CDHR2: variants seen among roughly 807,000 people sequenced by gnomAD.
CDHR2 encodes the protein cadherin-related family member 2.
A neutral mutation model predicts 138.6 loss-of-function variants in CDHR2; 104 were observed. The observed-to-expected ratio is 0.75, with a 90% CI of 0.64 to 0.88. CDHR2 has a LOEUF of 0.88. Among genes scored for constraint, CDHR2 ranks in the 40% least tolerant of loss-of-function variants. The pLI is 0.00. For synonymous variants in CDHR2, 755 were observed against 742.8 expected, an observed-to-expected ratio of 1.02 and a Z score of -0.27; for missense variants, 1,624 against 1,727.6, an observed-to-expected ratio of 0.94 and a Z score of 1.06.
chr5:176,575,682 C>T (rs1223330424), intron 10 of CDHR2, 42 bp from the exon 11 acceptor site: 1 of 1,595,314 alleles, frequency 6.3e-7, no homozygotes, highest in Admixed American at 1.7e-5. Flanking sequence ...GTCAGAGCCA[C>T]TGGAGCAGCT....
At position 176,575,098 on chromosome 5, in the gene CDHR2, T is replaced by C. The variant is rs753606008; in HGVS notation, c.510T>C (p.Thr170=). ...VYSIEKVIPS[T]GDSEHLFRIL... The stretch of plus-strand genomic sequence containing the variant: ...CTCTGCCCCAGGTCATCCCTAGCAC[T>C]GGGGACAGCGAGCATCTCTTCCGGA... The change falls in exon 8 of 32, where the codon ACT becomes ACC. Residue 170 remains threonine (T), a synonymous_variant. Transcript: ENST00000261944. The C allele has an allele frequency of 2.5e-6, 4 of 1,613,998 alleles. No homozygotes were observed. The highest frequency in any genetic ancestry group is 2.5e-6 in the Non-Finnish European group (3 of 1,180,050).
At chr5:176,547,773 A>G (rs1308372237), upstream of CDHR2, 1 of 152,042 alleles carries the variant, frequency 6.6e-6, no homozygotes, top group Non-Finnish European at 1.5e-5. Context: ...GATTACCCTT[A>G]TTTTTCTCAC....
At position 176,589,156 on chromosome 5, in the gene CDHR2, G is replaced by A. The variant is rs1442296903; in HGVS notation, c.2982G>A (p.Glu994=). The A allele has an allele frequency of 2.5e-5, 41 of 1,614,038 alleles. No homozygotes were observed. Among genetic ancestry groups the A allele is most frequent in the Non-Finnish European group, 3.4e-5 (40 of 1,180,008 alleles). Reference sequence around the variant, plus strand: ...TCTTCTCGATCTTCACCTCCTCCGAGGCCGACGTGTTCGCTGGGAGCATTC... The same window carrying A: ...TCTTCTCGATCTTCACCTCCTCCGAAGCCGACGTGTTCGCTGGGAGCATTC... The part of the protein sequence containing the change: ...QGVFSIFTSS[E]ADVFAGSIQP... The change falls in exon 22 of 32, where the codon GAG becomes GAA. Residue 994 remains glutamate (E), a synonymous_variant. Transcript: ENST00000261944.
Position 176,583,735 on chromosome 5 carries a change from G to A in CDHR2, c.2059-455G>A, listed in dbSNP as rs527659715. ...GAGCTGGTGTTGTGGGCTCAGTTGT[G>A]TGCAGGAGGGACAGGGGTAGGAGGG... is the stretch of plus-strand genomic sequence containing the variant. On this transcript the variant is annotated intron_variant, in intron 17 of 31. Coordinates refer to ENST00000261944, the MANE Select transcript of CDHR2 (RefSeq NM_017675.6). Among the ~76,000 whole-genome samples the A allele has an allele frequency of 2.6e-5, 4 of 152,348 alleles. No individual in the cohort carries two copies. The East Asian group carries it at 7.7e-4, about 29-fold the overall frequency.
In CDHR2 at chr5:176,553,234, A is replaced by G. The variant is rs1458987443; in HGVS notation, c.-16+3820A>G. Among the ~76,000 whole-genome samples, 1 of 152,218 alleles carries G rather than the reference A, an allele frequency of 6.6e-6. No individual in the cohort carries two copies. Among genetic ancestry groups the G allele is most frequent in the Non-Finnish European group, 1.5e-5 (1 of 68,044 alleles). On this transcript the variant is annotated intron_variant, in intron 1 of 31. Coordinates refer to ENST00000261944, the MANE Select transcript of CDHR2 (RefSeq NM_017675.6). The surrounding 1 kb of genome is among the most constrained non-coding windows in gnomAD (Gnocchi z 4.3). ...TCGGGCAGCTCAAGAAGGAAAACCC[A>G]GGAGCCTAGAAAAGAGAGAAGGCAC... is the stretch of plus-strand genomic sequence containing the variant.
At position 176,588,099 on chromosome 5, in the gene CDHR2, C is replaced by T. The variant is rs1428651358; in HGVS notation, c.2857-932C>T. On this transcript the variant is annotated intron_variant, in intron 21 of 31. Transcript: ENST00000261944. ...AAAAATGCTTGTGTCCCCTCCCCAA[C>T]CAGCTTCATGGTCTACTAGGGGAAT... is the stretch of plus-strand genomic sequence containing the variant. Among the ~76,000 whole-genome samples, 3 of 152,222 alleles carry T rather than the reference C, an allele frequency of 2.0e-5. No homozygotes were observed. The East Asian group carries it at 5.8e-4, about 29-fold the overall frequency.
intron 20 of CDHR2, among the ~76,000 whole-genome samples, chr5:176,586,403 C>A (rs757138914): frequency 3.9e-4 from 59 of 152,224 alleles, no homozygotes; most frequent in Non-Finnish European, 7.8e-4. Flanking sequence ...ATTGTGTTGG[C>A]CAGACTGGTC....
chr5:176,595,555 A>ACCAGAG lies in CDHR2; in HGVS notation c.3822_3827dup (p.Glu1274_Pro1275dup). ...AGGAGCACAGGCCACCACACACACC[A>ACCAGAG]CCAGAGCCAGATCCAGAGCCCCTGA... is the stretch of plus-strand genomic sequence containing the variant. On this transcript the variant is annotated inframe_insertion, in exon 32 of 32. Transcript: ENST00000261944. The ACCAGAG allele has an allele frequency of 6.2e-7, 1 of 1,610,332 alleles. No individual in the cohort carries two copies. The highest frequency in any genetic ancestry group is 1.3e-5 in the African/African-American group (1 of 74,860).
At position 176,575,522 on chromosome 5, in the gene CDHR2, CGGT is replaced by C. The variant is rs746714639; in HGVS notation, c.788_790del (p.Val263del). ...CCATTCCAGGGAACCTCGGTGCTGA[CGGT>C]GGAGGCTGTGGATGGCGACAAAGGC... On this transcript the variant is annotated inframe_deletion, in exon 10 of 32. Transcript: ENST00000261944. The C allele has an allele frequency of 3.7e-6, 6 of 1,614,128 alleles. No individual in the cohort carries two copies. The South Asian group carries it at 6.6e-5, about 18-fold the overall frequency.
intron 2 of CDHR2, 49 bp downstream of exon 2, chr5:176,565,453 G>A (rs781149508): frequency 2.6e-6 from 4 of 1,556,178 alleles, no homozygotes; most frequent in South Asian, 1.1e-5. Context: ...AGAGACCCTT[G>A]GCAGGACCCT....
chr5:176,552,867 C>T (rs1369723894), intron 1 of CDHR2, among the ~76,000 whole-genome samples: 2 of 152,232 alleles, frequency 1.3e-5, no homozygotes, highest in Non-Finnish European at 2.9e-5. Context: ...TGGCCTCCTG[C>T]ACTCATGTCT....
chr5:176,587,655 G>A (rs1238364328), intron 21 of CDHR2, among the ~76,000 whole-genome samples: 2 of 152,044 alleles, frequency 1.3e-5, no homozygotes, highest in Non-Finnish European at 1.5e-5. Context: ...CCGTTTCCCT[G>A]TTCAACAAGA....
intron 1 of CDHR2, among the ~76,000 whole-genome samples, chr5:176,563,599 T>C (rs751398485): frequency 1.3e-5 from 2 of 152,224 alleles, no homozygotes; most frequent in African/African-American, 2.4e-5. Context: ...GGCATCTTAT[T>C]GCCACGGAAT....
intron 21 of CDHR2, 69 bp downstream of exon 21, chr5:176,586,911 C>G: frequency 7.4e-7 from 1 of 1,354,406 alleles, no homozygotes; most frequent in Non-Finnish European, 1.0e-6. Context: ...GGCCTTCAGG[C>G]CTTCCATGGT....
upstream of CDHR2, chr5:176,549,338 G>A (rs1309330736): frequency 6.6e-6 from 1 of 152,458 alleles, no homozygotes; most frequent in Non-Finnish European, 1.5e-5. Flanking sequence ...CATAGCTGCA[G>A]GCCGCAGAGG....
rs941410030 is a variant in CDHR2 at position 176,557,741 on chromosome 5, T to C, written c.-15-7597T>C. Among the ~76,000 whole-genome samples, 24 of 150,652 alleles carry C rather than the reference T, an allele frequency of 1.6e-4. 1 individual carries two copies. Among genetic ancestry groups the C allele is most frequent in the Non-Finnish European group, 4.4e-5 (3 of 67,896 alleles). On this transcript the variant is annotated intron_variant, in intron 1 of 31. Transcript: ENST00000261944. ...TTTTTATTTTGAAATGGAGTCTTGC[T>C]CTGTTGCCCAGGCTAGAGTGTAGTG...
At chr5:176,559,069 C>G (rs557598705) in intron 1 of CDHR2, among the ~76,000 whole-genome samples, 1 of 152,268 alleles carries the variant, frequency 6.6e-6, no homozygotes, top group Admixed American at 6.5e-5. Context: ...GCTTGGGCTT[C>G]CTTATAACAT....
chr5:176,587,652 C>A (rs113458751), intron 21 of CDHR2, among the ~76,000 whole-genome samples: 152 of 152,076 alleles, frequency 1.0e-3, no homozygotes, highest in African/African-American at 3.6e-3. Flanking sequence ...ACTCCGTTTC[C>A]CTGTTCAACA....
At position 176,576,162 on chromosome 5, in the gene CDHR2, A is replaced by T. The variant is rs758098714; in HGVS notation, c.1171A>T (p.Met391Leu). ...SPRIPIDDLT[M>L]VVYDPDKGSN... ...CCGCATCCCCATCGATGACCTCACC[A>T]TGGTGGTCTACGACCCGGACAAGGC... Residue 391 changes from methionine (M) to leucine (L), a missense_variant, in exon 12 of 32, where the codon ATG becomes TTG. By Grantham distance (15) the Met-to-Leu change is conservative. Around this residue, in one of 3 missense-constraint regions of CDHR2, gnomAD observed 1,061 missense variants for 1,136.6 expected, o/e 0.93. Transcript: ENST00000261944. The surrounding 1 kb of genome is among the most constrained non-coding windows in gnomAD (Gnocchi z 4.5). 6.4e-7 allele frequency: 1 copy of T among 1,553,182 alleles called. No homozygotes were observed. Among genetic ancestry groups the T allele is most frequent in the Non-Finnish European group, 8.7e-7 (1 of 1,143,044 alleles).
Sources: allele counts gnomAD v4.1 joint callset (sites outside exome capture counted in the v4.1 genomes callset), GRCh38; gene constraint gnomAD v4.1.1; regional missense constraint gnomAD v4.1.1; non-coding constraint Gnocchi (gnomAD v3.1); transcripts MANE v1.5; gene names NCBI Gene and HGNC (gene_info 2026-07-23, HGNC 2026-07-21).